CHD6: variants seen among roughly 807,000 people sequenced by gnomAD.
The protein encoded by CHD6 is chromodomain helicase DNA binding protein 6, also known as ATP-dependent chromatin remodeler CHD6.
In CHD6, 50 loss-of-function variants were observed where a neutral mutation model predicts 276.9. That is an observed-to-expected ratio of 0.18 (90% CI 0.14 to 0.23). The LOEUF (loss-of-function observed/expected upper bound fraction) is 0.23, where lower values mean the gene tolerates loss of function less well. Ranked by LOEUF, CHD6 falls within the 10% of genes least tolerant of loss-of-function variation. CHD6 has a pLI of 1.00. For synonymous variants in CHD6, 1,173 were observed against 1,229.3 expected (o/e 0.95, Z 0.96); for missense variants, 2,564 against 3,365.8 (o/e 0.76, Z 5.89).
chr20:41,414,543 A>G (rs538005490), intron 34 of CHD6: 73 of 177,656 alleles, frequency 4.1e-4, no homozygotes, highest in African/African-American at 1.5e-3. Flanking sequence ...AACCCAAAAT[A>G]CAACATGAAA....
chr20:41,402,223 AAG>A lies in CHD6; in HGVS notation c.*2368_*2369del, dbSNP rs2046557467. On this transcript the variant is annotated 3_prime_UTR_variant, in exon 37 of 37. Transcript: ENST00000373233. ...TAGATGAAAAGGCTCAAGTTTGCTGAAGAGAGTTTAAATTTGGCTTTTGCTCT... is the reference window on the plus strand; with the variant it reads ...TAGATGAAAAGGCTCAAGTTTGCTGAAGAGTTTAAATTTGGCTTTTGCTCT... The A allele has an allele frequency of 4.6e-6, 1 of 219,740 alleles. No homozygotes were observed. Among genetic ancestry groups the A allele is most frequent in the Non-Finnish European group, 9.1e-6 (1 of 109,650 alleles). 13.6% of individuals were successfully genotyped at this position (219,740 alleles called of 1,614,324 possible).
chr20:41,540,349 G>A (rs1223825063), intron 2 of CHD6, among the ~76,000 whole-genome samples: 1 of 152,194 alleles, frequency 6.6e-6, no homozygotes, highest in Non-Finnish European at 1.5e-5. Context: ...CTGAGGCTAT[G>A]CAAATTTGGC....
chr20:41,612,700 T>C lies in CHD6; in HGVS notation c.-24+5640A>G, dbSNP rs117346431. ...TAATCCTTCAAAGTATTTCTTAGAATACTGATAGTTTTTCTTGGACCCAAA... is the reference window on the plus strand; with the variant it reads ...TAATCCTTCAAAGTATTTCTTAGAACACTGATAGTTTTTCTTGGACCCAAA... On this transcript the variant is annotated intron_variant, in intron 1 of 36. Coordinates refer to ENST00000373233, the MANE Select transcript of CHD6 (RefSeq NM_032221.5). Among the ~76,000 whole-genome samples the C allele has an allele frequency of 2.1e-3, 326 of 152,348 alleles. 6 individuals are homozygous for C. The highest frequency in any genetic ancestry group is 0.018 in the Admixed American group (283 of 15,298).
In CHD6 at chr20:41,403,012, T is replaced by C. The variant is rs1418967262; in HGVS notation, c.*1581A>G. ...TGATTGATTTTTTTCAGTCATGATT[T>C]AACAGACTTCTTTGAGATGCTCATT... On this transcript the variant is annotated 3_prime_UTR_variant, in exon 37 of 37. Coordinates refer to ENST00000373233, the MANE Select transcript of CHD6 (RefSeq NM_032221.5). 1.4e-5 allele frequency: 3 copies of C among 211,252 alleles called. No homozygotes were observed. The Admixed American group carries it at 1.8e-4, about 12-fold the overall frequency. The allele number at this position is 211,252 out of a possible 1,614,324, so 13.1% of individuals were successfully genotyped here.
chr20:41,615,410 T>C (rs993044971), intron 1 of CHD6, among the ~76,000 whole-genome samples: 78 of 152,246 alleles, frequency 5.1e-4, no homozygotes, highest in African/African-American at 1.6e-3. Context: ...TCATTTTATG[T>C]ATTTCAAAGA....
At chr20:41,502,640 T>C (rs1398367710) in intron 5 of CHD6, among the ~76,000 whole-genome samples, 1 of 152,246 alleles carries the variant, frequency 6.6e-6, no homozygotes, top group Non-Finnish European at 1.5e-5. Flanking sequence ...TTCATATGAA[T>C]TTCCACCAAT....
At chr20:41,595,028 C>T (rs1415983093) in intron 1 of CHD6, among the ~76,000 whole-genome samples, 1 of 152,314 alleles carries the variant, frequency 6.6e-6, no homozygotes, top group Admixed American at 6.5e-5. Flanking sequence ...TTTGAGGGAT[C>T]GTCCAGGATC....
chr20:41,446,936 A>G (rs2048088264), intron 24 of CHD6, among the ~76,000 whole-genome samples: 1 of 152,196 alleles, frequency 6.6e-6, no homozygotes, highest in Non-Finnish European at 1.5e-5. Context: ...GCCAGGTAAC[A>G]CTTGATGGAT....
chr20:41,444,723 G>A (rs2048011190), intron 25 of CHD6, among the ~76,000 whole-genome samples: 1 of 151,618 alleles, frequency 6.6e-6, no homozygotes, highest in South Asian at 2.1e-4. Flanking sequence ...CACCTATTAT[G>A]TACCAAGCAC....
chr20:41,518,937 T>A (rs190335743), intron 3 of CHD6, among the ~76,000 whole-genome samples: 39 of 152,284 alleles, frequency 2.6e-4, no homozygotes, highest in Admixed American at 2.4e-3. Context: ...TACCTATAGA[T>A]GATTTGGCCC....
intron 23 of CHD6, among the ~76,000 whole-genome samples, chr20:41,449,005 G>A (rs996797760): frequency 3.3e-5 from 5 of 151,680 alleles, no homozygotes; most frequent in Admixed American, 6.6e-5. Context: ...GGGTTCAAGC[G>A]GTTCTCCTGC....
chr20:41,494,779 T>C (rs2043641410), intron 8 of CHD6, among the ~76,000 whole-genome samples: 2 of 152,186 alleles, frequency 1.3e-5, no homozygotes, highest in Admixed American at 1.3e-4. Context: ...AGGATACTTT[T>C]TACAACATCC....
At chr20:41,482,612 A>G (rs1040678501) in intron 16 of CHD6, 1 of 470,176 alleles carries the variant, frequency 2.1e-6, no homozygotes, top group Admixed American at 2.4e-5. Flanking sequence ...ATTAAGAATG[A>G]ATTTTTAAAA....
intron 1 of CHD6, among the ~76,000 whole-genome samples, chr20:41,556,144 C>G (rs966350432): frequency 6.6e-5 from 10 of 152,116 alleles, no homozygotes; most frequent in Non-Finnish European, 8.8e-5. Flanking sequence ...CGCAGGCACT[C>G]GGCAGGCTGA....
chr20:41,595,845 A>C (rs1354597871), intron 1 of CHD6, among the ~76,000 whole-genome samples: 3 of 152,126 alleles, frequency 2.0e-5, no homozygotes, highest in South Asian at 4.1e-4. Flanking sequence ...GGATTTGTCA[A>C]CTTCTAATAG....
At chr20:41,448,018 T>A (rs1293727315) in intron 23 of CHD6, 47 bp from the exon 24 acceptor site, 1 of 1,150,676 alleles carries the variant, frequency 8.7e-7, no homozygotes, top group Non-Finnish European at 1.3e-6. Flanking sequence ...AACCCATAAC[T>A]GTCTGTGAAC....
intron 1 of CHD6, among the ~76,000 whole-genome samples, chr20:41,591,112 C>G (rs907810215): frequency 6.8e-6 from 1 of 148,140 alleles, no homozygotes; most frequent in Non-Finnish European, 1.5e-5. Flanking sequence ...ATTGCAGGGA[C>G]AAAAAACCAA....
chr20:41,457,815 T>C (rs944779682), intron 17 of CHD6, among the ~76,000 whole-genome samples: 3 of 152,210 alleles, frequency 2.0e-5, no homozygotes, highest in African/African-American at 7.2e-5. Context: ...AAAATTTTGC[T>C]ACTGAAATTT....
chr20:41,525,878 G>A (rs6065366), intron 3 of CHD6, among the ~76,000 whole-genome samples: 1 of 151,864 alleles, frequency 6.6e-6, no homozygotes, highest in Non-Finnish European at 1.5e-5. Context: ...TTTTGCCTGT[G>A]TCTTGAACAC....
Sources: gnomAD v4.1 joint callset for allele counts (sites outside exome capture counted in the v4.1 genomes callset) on GRCh38, gnomAD v4.1.1 for gene constraint, MANE v1.5 for transcripts, NCBI Gene and HGNC (gene_info 2026-07-23, HGNC 2026-07-21) for gene names.